KCNH1: variants seen among roughly 807,000 people sequenced by gnomAD.
KCNH1 encodes the protein voltage-gated delayed rectifier potassium channel KCNH1.
In KCNH1, 27 loss-of-function variants were observed where a neutral mutation model predicts 69.2. That is an observed-to-expected ratio of 0.39 (90% CI 0.29 to 0.54). The LOEUF is 0.54. Among genes scored for constraint, KCNH1 ranks in the 20% least tolerant of loss-of-function variants. The probability of loss-of-function intolerance (pLI) is 0.68; values close to 1 mark genes in which losing one functional copy is unlikely to be tolerated. For synonymous variants in KCNH1, 456 were observed against 487.7 expected (o/e 0.93, Z 0.86); for missense variants, 798 against 1,261.6 (o/e 0.63, Z 5.57).
chr1:210,886,130 C>A (rs1686600990), intron 7 of KCNH1, among the ~76,000 whole-genome samples: 2 of 152,188 alleles, frequency 1.3e-5, no homozygotes, highest in Non-Finnish European at 2.9e-5. Flanking sequence ...TCCACAGACA[C>A]CTCATATAGG....
At chr1:210,948,173 C>T (rs948426809) in intron 6 of KCNH1, among the ~76,000 whole-genome samples, 3 of 148,636 alleles carry the variant, frequency 2.0e-5, no homozygotes, top group African/African-American at 7.5e-5. Flanking sequence ...AGCTGTGATA[C>T]TCTAGCAACA....
At chr1:211,060,947 A>C (rs990466981) in intron 5 of KCNH1, among the ~76,000 whole-genome samples, 3 of 152,216 alleles carry the variant, frequency 2.0e-5, no homozygotes, top group Non-Finnish European at 4.4e-5. Flanking sequence ...AAATACTTCC[A>C]AACTCATTCT....
chr1:211,035,236 CTTTTTTTTTTTTTTT>C (rs765170558), intron 5 of KCNH1, among the ~76,000 whole-genome samples: 2 of 75,050 alleles, frequency 2.7e-5, no homozygotes, highest in East Asian at 5.4e-4. Flanking sequence ...TACTGGCATT[CTTTTTTTTTTTTTTT>C]TTTTTTTTTT....
At chr1:211,080,888 A>T (rs1427346631) in intron 5 of KCNH1, among the ~76,000 whole-genome samples, 1 of 152,224 alleles carries the variant, frequency 6.6e-6, no homozygotes, top group Non-Finnish European at 1.5e-5. Context: ...AGGCAATACC[A>T]TTCAGGACAT....
chr1:210,957,665 G>A (rs894827632), intron 6 of KCNH1, among the ~76,000 whole-genome samples: 1 of 152,144 alleles, frequency 6.6e-6, no homozygotes, highest in African/African-American at 2.4e-5. Flanking sequence ...TTACCATTAT[G>A]AAATGGCCTT....
intron 7 of KCNH1, among the ~76,000 whole-genome samples, chr1:210,823,203 T>C (rs1224285652): frequency 6.6e-6 from 1 of 151,920 alleles, no homozygotes; most frequent in Non-Finnish European, 1.5e-5. Flanking sequence ...GAGAGTGAAA[T>C]GGCTTTGTAA....
At chr1:210,906,327 A>G (rs1310032009) in intron 7 of KCNH1, among the ~76,000 whole-genome samples, 2 of 152,084 alleles carry the variant, frequency 1.3e-5, no homozygotes, top group Non-Finnish European at 2.9e-5. Flanking sequence ...TGGCAGACAC[A>G]GTGCCGGGGA....
chr1:211,072,059 T>A (rs1690654359), intron 5 of KCNH1, among the ~76,000 whole-genome samples: 1 of 152,128 alleles, frequency 6.6e-6, no homozygotes, highest in Non-Finnish European at 1.5e-5. Context: ...GAGGATCACC[T>A]GAGGTCAGGA....
intron 6 of KCNH1, among the ~76,000 whole-genome samples, chr1:211,013,255 G>A (rs1689428222): frequency 6.6e-6 from 1 of 152,190 alleles, no homozygotes; most frequent in South Asian, 2.1e-4. Flanking sequence ...GAAGAGCAGG[G>A]AATAGTGAGC....
At chr1:211,107,115 A>G in intron 2 of KCNH1, 139 bp downstream of exon 2, 9 of 871,186 alleles carry the variant, frequency 1.0e-5, no homozygotes, top group Non-Finnish European at 1.6e-5. Context: ...TACATGAACT[A>G]GAGATGATAT....
intron 6 of KCNH1, among the ~76,000 whole-genome samples, chr1:210,927,377 AC>A (rs1222631994): frequency 6.6e-6 from 1 of 152,220 alleles, no homozygotes; most frequent in African/African-American, 2.4e-5. Context: ...CAGAAACCCT[AC>A]AAGCTAGAAT....
chr1:210,894,215 C>T (rs138571232), intron 7 of KCNH1, among the ~76,000 whole-genome samples: 1 of 152,242 alleles, frequency 6.6e-6, no homozygotes, highest in African/African-American at 2.4e-5. Flanking sequence ...TATTCTGGAA[C>T]ACAGTTAAAT....
intron 10 of KCNH1, among the ~76,000 whole-genome samples, chr1:210,727,336 G>T (rs930623004): frequency 6.6e-6 from 1 of 152,102 alleles, no homozygotes; most frequent in East Asian, 1.9e-4. Flanking sequence ...TACTCAATAA[G>T]CCCACAGGAG....
intron 10 of KCNH1, among the ~76,000 whole-genome samples, chr1:210,748,997 TC>T (rs1324749947): frequency 6.6e-6 from 1 of 152,200 alleles, no homozygotes; most frequent in African/African-American, 2.4e-5. Flanking sequence ...TTGGCTCTGC[TC>T]CGGCTTCCTC....
In KCNH1 at chr1:210,989,131, G is replaced by C. The variant is rs539953435; in HGVS notation, c.1032+29652C>G. ...CCTCTGTAAGTACCTCCATGTTCAT[G>C]GGCTGGCCCACAAGTGGCAAAAGAA... On this transcript the variant is annotated intron_variant, in intron 6 of 10. Coordinates refer to ENST00000271751, the MANE Select transcript of KCNH1 (RefSeq NM_172362.3). Among the ~76,000 whole-genome samples the C allele has an allele frequency of 2.0e-5, 3 of 152,276 alleles. No individual in the cohort carries two copies. In the East Asian group the frequency reaches 5.8e-4, roughly 29 times the overall value.
intron 10 of KCNH1, among the ~76,000 whole-genome samples, chr1:210,755,035 T>C (rs1214434147): frequency 9.2e-5 from 14 of 152,012 alleles, no homozygotes; most frequent in Admixed American, 9.2e-4. Flanking sequence ...AAGGAGACAT[T>C]AGTAGTCGAA....
chr1:210,743,998 C>T (rs79463496), intron 10 of KCNH1, among the ~76,000 whole-genome samples: 4 of 152,260 alleles, frequency 2.6e-5, no homozygotes, highest in East Asian at 1.9e-4. Flanking sequence ...TAGGGCTCTC[C>T]GGTGCCAGGC....
chr1:210,994,162 T>A (rs1381579190), intron 6 of KCNH1, among the ~76,000 whole-genome samples: 1 of 152,350 alleles, frequency 6.6e-6, no homozygotes, highest in Admixed American at 6.5e-5. Flanking sequence ...ATAGTTGGTA[T>A]TAATCATACT....
chr1:210,796,154 C>CAAAAAAA lies in KCNH1; in HGVS notation c.1915+1347_1915+1353dup, dbSNP rs34606473. On this transcript the variant is annotated intron_variant, in intron 9 of 10. Coordinates refer to ENST00000271751, the MANE Select transcript of KCNH1 (RefSeq NM_172362.3). ...TGGGCAACAGAGCAAGATTCCGTCT[C>CAAAAAAA]AAAAAAAAAAAAAAATTATCATCAG... Among the ~76,000 whole-genome samples, 3 of 134,154 alleles carry CAAAAAAA rather than the reference C, an allele frequency of 2.2e-5. 1 individual carries two copies. The highest frequency in any genetic ancestry group is 3.2e-5 in the Non-Finnish European group (2 of 63,456). 88.0% of individuals were successfully genotyped at this position (134,154 alleles called of 152,430 possible). A position where few individuals can be genotyped will look rare whatever the true frequency, so the allele number is the denominator to read the frequency against.
Sources: gnomAD v4.1 joint callset for allele counts (sites outside exome capture counted in the v4.1 genomes callset) on GRCh38, gnomAD v4.1.1 for gene constraint, MANE v1.5 for transcripts, NCBI Gene and HGNC (gene_info 2026-07-23, HGNC 2026-07-21) for gene names.